The following AASS variants were observed in gnomAD, a reference collection of about 807,000 sequenced individuals.
AASS encodes aminoadipate-semialdehyde synthase.
In AASS, 86 loss-of-function variants were observed where a neutral mutation model predicts 105.4. The observed-to-expected ratio is 0.82, with a 90% CI of 0.69 to 0.98. The LOEUF is 0.98. Among genes scored for constraint, AASS ranks in the 50% least tolerant of loss-of-function variants. The probability of loss-of-function intolerance (pLI) is 0.00; values close to 1 mark genes in which losing one functional copy is unlikely to be tolerated. For synonymous variants in AASS, 381 were observed against 394.8 expected (o/e 0.96, Z 0.41); for missense variants, 1,048 against 1,143.2 (o/e 0.92, Z 1.20).
intron 15 of AASS, among the ~76,000 whole-genome samples, chr7:122,093,970 T>C (rs1794024848): frequency 6.6e-6 from 1 of 152,144 alleles, no homozygotes; most frequent in Non-Finnish European, 1.5e-5. Flanking sequence ...TATTATCTTA[T>C]GCGACCTAAC....
intron 4 of AASS, among the ~76,000 whole-genome samples, chr7:122,121,237 T>C (rs1795428955): frequency 6.6e-6 from 1 of 152,172 alleles, no homozygotes; most frequent in Admixed American, 6.5e-5. Flanking sequence ...CAAGTAATAT[T>C]ATACTACTTC....
chr7:122,090,305 G>A (rs1164310544), intron 18 of AASS, among the ~76,000 whole-genome samples: 1 of 152,076 alleles, frequency 6.6e-6, no homozygotes, highest in Non-Finnish European at 1.5e-5. Context: ...TAAATCAGTT[G>A]TTCTCAAATT....
intron 1 of AASS, among the ~76,000 whole-genome samples, chr7:122,135,561 A>C (rs1796104620): frequency 6.6e-6 from 1 of 152,158 alleles, no homozygotes; most frequent in African/African-American, 2.4e-5. Context: ...ATAGTTACTA[A>C]AGGCTTACTA....
intron 9 of AASS, among the ~76,000 whole-genome samples, chr7:122,113,931 A>T (rs898710982): frequency 1.3e-5 from 2 of 151,324 alleles, no homozygotes; most frequent in African/African-American, 4.8e-5. Context: ...TCCAAAAAAA[A>T]AAAAAAAAAG....
intron 19 of AASS, 140 bp downstream of exon 19, chr7:122,085,872 A>C: frequency 1.1e-6 from 1 of 934,134 alleles, no homozygotes; most frequent in Non-Finnish European, 1.7e-6. Flanking sequence ...TAAAATATTC[A>C]ATCAATCATA....
chr7:122,140,485 C>CAAAAA lies in AASS; in HGVS notation c.-16+3671_-16+3675dup, dbSNP rs57828681. 1.0e-3 allele frequency among the ~76,000 whole-genome samples: 39 copies of CAAAAA among 37,326 alleles called. 5 individuals are homozygous for CAAAAA. Among genetic ancestry groups the CAAAAA allele is most frequent in the South Asian group, 3.3e-3 (2 of 606 alleles). 24.5% of individuals were successfully genotyped at this position (37,326 alleles called of 152,430 possible). A position where few individuals can be genotyped will look rare whatever the true frequency, so the allele number is the denominator to read the frequency against. On this transcript the variant is annotated intron_variant, in intron 1 of 23. Coordinates refer to ENST00000417368, the MANE Select transcript of AASS (RefSeq NM_005763.4). The stretch of plus-strand genomic sequence containing the variant: ...TGGGCGACAGAGCGAGACTCAGTCT[C>CAAAAA]AAAAAAAAAAAAAAAAAAAAAAAGA...
At chr7:122,098,937 T>C (rs1329032994) in intron 13 of AASS, 71 bp from the exon 14 acceptor site, 114 of 1,417,554 alleles carry the variant, frequency 8.0e-5, no homozygotes, top group Non-Finnish European at 1.0e-4. Flanking sequence ...AATAACAGAA[T>C]CTTGCATTCC....
At position 122,121,580 on chromosome 7, in the gene AASS, A is replaced by C. The variant is rs1054407444; in HGVS notation, c.473-2950T>G. ...CAGCTACTCTTGCATTTTTTTGTAG[A>C]GATGGGACTTCATCGTGTGCCCAGG... On this transcript the variant is annotated intron_variant, in intron 4 of 23. Transcript: ENST00000417368. 3.9e-5 allele frequency among the ~76,000 whole-genome samples: 6 copies of C among 152,030 alleles called. 1 individual carries two copies. Among genetic ancestry groups the C allele is most frequent in the African/African-American group, 1.4e-4 (6 of 41,396 alleles).
At position 122,076,517 on chromosome 7, in the gene AASS, T is replaced by C. The variant is rs1245256113; in HGVS notation, c.2753A>G (p.Tyr918Cys). ...TGGTTTAATTGTACTCTGTGTAGTATATATAATGCCTTCTGCTTTAATTCG... is the reference window on the plus strand; with the variant it reads ...TGGTTTAATTGTACTCTGTGTAGTACATATAATGCCTTCTGCTTTAATTCG... ...LERIKAEGIIYTTQSTIKP is the reference protein window; with the variant it reads ...LERIKAEGIICTTQSTIKP The change falls in exon 24 of 24, where the codon TAT (tyrosine) becomes TGT (cysteine). Residue 918 changes from tyrosine (Y) to cysteine (C), a missense_variant. By Grantham distance (194) the Tyr-to-Cys change is radical. Coordinates refer to ENST00000417368, the MANE Select transcript of AASS (RefSeq NM_005763.4). The C allele has an allele frequency of 1.2e-5, 19 of 1,613,312 alleles. No homozygotes were observed. Among genetic ancestry groups the C allele is most frequent in the African/African-American group, 5.3e-5 (4 of 74,924 alleles).
intron 13 of AASS, 41 bp downstream of exon 13, chr7:122,101,330 A>G (rs748903677): frequency 1.4e-6 from 2 of 1,468,464 alleles, no homozygotes; most frequent in South Asian, 2.3e-5. Context: ...TTCCAAGATA[A>G]GAATAAATGT....
intron 15 of AASS, among the ~76,000 whole-genome samples, chr7:122,097,462 T>G (rs940170277): frequency 1.3e-5 from 2 of 152,072 alleles, no homozygotes; most frequent in Non-Finnish European, 2.9e-5. Flanking sequence ...ACAGATTATT[T>G]CATTATCTAG....
intron 1 of AASS, among the ~76,000 whole-genome samples, chr7:122,143,473 G>T (rs942763194): frequency 2.0e-5 from 3 of 150,696 alleles, no homozygotes; most frequent in Non-Finnish European, 4.4e-5. Flanking sequence ...TTCTCCCCGC[G>T]CCCCGTCCCG....
chr7:122,134,718 G>A (rs184866326), intron 1 of AASS, among the ~76,000 whole-genome samples: 13 of 152,088 alleles, frequency 8.5e-5, no homozygotes, highest in Non-Finnish European at 1.8e-4. Context: ...ACAATGTGGC[G>A]ATTCCTCAAG....
At chr7:122,101,747 C>A in intron 11 of AASS, 67 bp from the exon 12 acceptor site, 6 of 1,189,754 alleles carry the variant, frequency 5.0e-6, no homozygotes, top group Non-Finnish European at 7.5e-6. Flanking sequence ...GTGTTTGTAT[C>A]CATATTAAAA....
At chr7:122,078,077 TCTC>T in intron 22 of AASS, 63 bp from the exon 23 acceptor site, 1 of 1,482,640 alleles carries the variant, frequency 6.7e-7, no homozygotes, top group Non-Finnish European at 9.4e-7. Context: ...TTGTCTGTCA[TCTC>T]CTCCTGCCCT....
chr7:122,115,173 T>C lies in AASS; in HGVS notation c.944A>G (p.Asn315Ser). The change falls in exon 9 of 24, where the codon AAC (asparagine) becomes AGC (serine). Residue 315 changes from asparagine (N) to serine (S), a missense_variant. Physicochemically the swap from Asn to Ser is conservative, Grantham distance 46. Coordinates refer to ENST00000417368, the MANE Select transcript of AASS (RefSeq NM_005763.4). Reference protein sequence around the residue: ...CLINGIYWEQNTPRLLTRQDA... With the variant: ...CLINGIYWEQSTPRLLTRQDA... Reference sequence around the variant, plus strand: ...TTGGCGGGTTAGGAGGCGAGGAGTGTTTTGTTCCCAGTAGATTCCATTAAT... The same window carrying C: ...TTGGCGGGTTAGGAGGCGAGGAGTGCTTTGTTCCCAGTAGATTCCATTAAT... The C allele has an allele frequency of 3.1e-6, 5 of 1,614,118 alleles. No homozygotes were observed. The highest frequency in any genetic ancestry group is 4.2e-6 in the Non-Finnish European group (5 of 1,179,994).
chr7:122,112,723 C>A (rs1273442087), intron 11 of AASS, among the ~76,000 whole-genome samples: 3 of 152,000 alleles, frequency 2.0e-5, no homozygotes, highest in Admixed American at 1.3e-4. Context: ...TATTAGTGAC[C>A]AGAACCCAAT....
At chr7:122,142,327 C>G (rs1380173748) in intron 1 of AASS, among the ~76,000 whole-genome samples, 1 of 152,150 alleles carries the variant, frequency 6.6e-6, no homozygotes, top group African/African-American at 2.4e-5. Context: ...GCCTACTCCT[C>G]AAAAGCGAGC....
chr7:122,091,400 G>A (rs1793891703), intron 18 of AASS, among the ~76,000 whole-genome samples: 1 of 152,116 alleles, frequency 6.6e-6, no homozygotes, highest in African/African-American at 2.4e-5. Flanking sequence ...CTCAGAAAAT[G>A]TTTGTCATGC....
Sources: allele counts gnomAD v4.1 joint callset (sites outside exome capture counted in the v4.1 genomes callset), GRCh38; gene constraint gnomAD v4.1.1; transcripts MANE v1.5; gene names NCBI Gene and HGNC (gene_info 2026-07-23, HGNC 2026-07-21).